Variants in CARHSP1 observed in about 807,000 individuals in gnomAD.
CARHSP1 encodes calcium regulated heat stable protein 1, also known as calcium-regulated heat-stable protein 1.
CARHSP1 carries 14 observed loss-of-function variants against 12.5 expected under a neutral mutation model. That is an observed-to-expected ratio of 1.12 (90% CI 0.74 to 1.75). CARHSP1 has a LOEUF of 1.75. Among genes scored for constraint, CARHSP1 ranks in the 40% most tolerant of loss-of-function variants. CARHSP1 has a pLI of 0.00. For synonymous variants in CARHSP1, 161 were observed against 82.0 expected (o/e 1.96, Z -5.20); for missense variants, 343 against 201.6 (o/e 1.70, Z -4.25).
At chr16:8,856,644 G>A (rs935981630) in intron 3 of CARHSP1, among the ~76,000 whole-genome samples, 2 of 152,036 alleles carry the variant, frequency 1.3e-5, no homozygotes, top group South Asian at 2.1e-4. Flanking sequence ...CAAAGGAGGG[G>A]TAACTCCCCC....
intron 1 of CARHSP1, among the ~76,000 whole-genome samples, chr16:8,865,543 G>C (rs900824029): frequency 6.6e-6 from 1 of 152,230 alleles, no homozygotes; most frequent in Non-Finnish European, 1.5e-5. Context: ...TGCAAAATGA[G>C]GGTGTCTTGA....
At chr16:8,864,302 GCCTCA>G (rs2061420602) in intron 1 of CARHSP1, among the ~76,000 whole-genome samples, 1 of 151,176 alleles carries the variant, frequency 6.6e-6, no homozygotes, top group South Asian at 2.1e-4. Flanking sequence ...GGAGCGGGGA[GCCTCA>G]CCTCACCGCA....
intron 2 of CARHSP1, chr16:8,858,711 G>A: frequency 3.7e-6 from 2 of 533,774 alleles, no homozygotes; most frequent in Admixed American, 7.1e-5. Flanking sequence ...CTCCTGGAAA[G>A]AGGGAGTTGA....
chr16:8,860,638 G>T, intron 1 of CARHSP1: 1 of 242,052 alleles, frequency 4.1e-6, no homozygotes, highest in Non-Finnish European at 5.8e-6. Context: ...ATGGGGGTAC[G>T]AGATGAAGTA....
chr16:8,861,817 C>T (rs925825950), intron 1 of CARHSP1: 19 of 1,198,892 alleles, frequency 1.6e-5, no homozygotes, highest in African/African-American at 3.2e-5. Flanking sequence ...GAATGTTCAA[C>T]GCCCAGAGTT....
Position 8,854,993 on chromosome 16 carries a change from A to ACCCCACC in CARHSP1, c.*170_*171insGGTGGGG. The ACCCCACC allele has an allele frequency of 2.0e-6, 1 of 493,728 alleles. No individual in the cohort carries two copies. The highest frequency in any genetic ancestry group is 3.5e-6 in the Non-Finnish European group (1 of 283,518). 30.6% of individuals were successfully genotyped at this position (493,728 alleles called of 1,614,324 possible). ...ATAGGCTGTGCTGATGGCCGGGAAC[A>ACCCCACC]CCCCACACCCCACACCTGCCCCCCA... is the stretch of plus-strand genomic sequence containing the variant. On this transcript the variant is annotated 3_prime_UTR_variant, in exon 4 of 4. Coordinates refer to ENST00000311052, the MANE Select transcript of CARHSP1 (RefSeq NM_014316.4).
At position 8,854,000 on chromosome 16, in the gene CARHSP1, C is replaced by G. The variant is rs2061018563; in HGVS notation, c.*1164G>C. 6.6e-6 allele frequency: 1 copy of G among 152,124 alleles called. No individual in the cohort carries two copies. Among genetic ancestry groups the G allele is most frequent in the Non-Finnish European group, 1.5e-5 (1 of 68,054 alleles). The allele number at this position is 152,124 out of a possible 1,614,324, so 9.4% of individuals were successfully genotyped here. A position where few individuals can be genotyped will look rare whatever the true frequency, so the allele number is the denominator to read the frequency against. ...ACTCAGGAGACTGAGGCGGAATTGC[C>G]AGAACCCTGGAGGGCAGAGGTTGCA... On this transcript the variant is annotated 3_prime_UTR_variant, in exon 4 of 4. Coordinates refer to ENST00000311052, the MANE Select transcript of CARHSP1 (RefSeq NM_014316.4).
chr16:8,860,611 C>A (rs1162319907), intron 1 of CARHSP1: 11 of 616,244 alleles, frequency 1.8e-5, no homozygotes, highest in Non-Finnish European at 2.2e-5. Context: ...TCACTTGGCA[C>A]CTGCGCAGGG....
At chr16:8,857,263 G>GTT (rs756390920) in intron 3 of CARHSP1, among the ~76,000 whole-genome samples, 5 of 57,006 alleles carry the variant, frequency 8.8e-5, no homozygotes, top group African/African-American at 2.2e-4. Context: ...GGGCAGATCT[G>GTT]TTTTTTTTTT....
chr16:8,865,875 C>T (rs999142799), intron 1 of CARHSP1, among the ~76,000 whole-genome samples: 2 of 152,196 alleles, frequency 1.3e-5, no homozygotes, highest in African/African-American at 4.8e-5. Context: ...TACTTTAATG[C>T]AGTCAGGAAT....
At chr16:8,862,613 C>G (rs1402790784) in intron 1 of CARHSP1, among the ~76,000 whole-genome samples, 1 of 152,120 alleles carries the variant, frequency 6.6e-6, no homozygotes, top group Non-Finnish European at 1.5e-5. Flanking sequence ...CCTGCAGGAC[C>G]CTGAACAGCA....
At chr16:8,855,570 C>A (rs547401926) in intron 3 of CARHSP1, among the ~76,000 whole-genome samples, 1 of 152,320 alleles carries the variant, frequency 6.6e-6, no homozygotes, top group African/African-American at 2.4e-5. Context: ...GATGCTGGAA[C>A]TGAAAGAGTT....
chr16:8,859,163 A>C lies in CARHSP1; in HGVS notation c.158+8T>G, dbSNP rs749243022. 2.5e-6 allele frequency: 4 copies of C among 1,594,208 alleles called. No individual in the cohort carries two copies. Among genetic ancestry groups the C allele is most frequent in the Non-Finnish European group, 3.4e-6 (4 of 1,168,156 alleles). ...TGAGAACGCGTCCCCAGCCTGCTCC[A>C]GACTCACGCCGAGAAGGTCCTCGTC... On this transcript the variant is annotated splice_region_variant and intron_variant, in intron 2 of 3. Transcript: ENST00000311052.
chr16:8,859,337 T>G lies in CARHSP1; in HGVS notation c.-7-2A>C. The G allele has an allele frequency of 6.3e-7, 1 of 1,597,416 alleles. No individual in the cohort carries two copies. The highest frequency in any genetic ancestry group is 8.5e-7 in the Non-Finnish European group (1 of 1,177,802). On this transcript the variant is annotated splice_acceptor_variant, in intron 1 of 3. Transcript: ENST00000311052. LOFTEE classifies it low-confidence loss of function (5UTR_SPLICE). ...GGAGGCTCAGATGACATGGCTGACC[T>G]GGAAAGAGAAGAGGCTGTCAGGGGC...
chr16:8,855,168 G>C lies in CARHSP1; in HGVS notation c.440C>G (p.Ser147Cys), dbSNP rs772968664. ...AAGGGGTGCTTCCACCATCTCCTAG[G>C]AGCTGATGACATGTCCAGACCAGGT... ...HETWSGHVIS[S>C] is the part of the protein sequence containing the mutation. Residue 147 changes from serine to cysteine, a missense_variant, in exon 4 of 4, where the codon TCC (serine) becomes TGC (cysteine). Physicochemically the swap from Ser to Cys is moderately radical, Grantham distance 112. Coordinates refer to ENST00000311052, the MANE Select transcript of CARHSP1 (RefSeq NM_014316.4). 8 of 1,594,276 alleles carry C rather than the reference G, an allele frequency of 5.0e-6. No homozygotes were observed. In the Admixed American group the frequency reaches 1.0e-4, roughly 20 times the overall value.
At chr16:8,858,907 G>T in intron 2 of CARHSP1, 1 of 445,202 alleles carries the variant, frequency 2.2e-6, no homozygotes, top group South Asian at 4.5e-5. Context: ...ACTCTCATGT[G>T]TGGTTAAAGC....
At chr16:8,859,898 A>ACCTGGGAGGCGGAGGTT (rs1398092393) in intron 1 of CARHSP1, 1 of 152,696 alleles carries the variant, frequency 6.5e-6, no homozygotes, top group Admixed American at 6.6e-5. Context: ...AATTGCTTGA[A>ACCTGGGAGGCGGAGGTT]CCTGGGAGGC....
In CARHSP1 at chr16:8,853,514, C is replaced by A. The variant is rs1346084923; in HGVS notation, c.*1650G>T. On this transcript the variant is annotated 3_prime_UTR_variant, in exon 4 of 4. Coordinates refer to ENST00000311052, the MANE Select transcript of CARHSP1 (RefSeq NM_014316.4). ...TTTGCTATTCTCAAACAACTCCCTT[C>A]CACCCCCTTAGGCTGAAAGGACAAA... 2.6e-5 allele frequency: 4 copies of A among 152,188 alleles called. No homozygotes were observed. The highest frequency in any genetic ancestry group is 5.9e-5 in the Non-Finnish European group (4 of 68,056). 9.4% of individuals were successfully genotyped at this position (152,188 alleles called of 1,614,324 possible).
chr16:8,858,421 G>T lies in CARHSP1; in HGVS notation c.210C>A (p.Phe70Leu). Residue 70 changes from phenylalanine (F) to leucine (L), a missense_variant, in exon 3 of 4, where the codon TTC becomes TTA. Transcript: ENST00000311052. ...TGAAGCCATGGCCCTTGGACCGGCA[G>T]AAGCATTTGCAGACTCCTTTGTAGA... ...GPVYKGVCKC[F>L]CRSKGHGFIT... 1.9e-6 allele frequency: 3 copies of T among 1,614,088 alleles called. No homozygotes were observed. The highest frequency in any genetic ancestry group is 1.7e-6 in the Non-Finnish European group (2 of 1,180,020).
Sources: allele counts gnomAD v4.1 joint callset (sites outside exome capture counted in the v4.1 genomes callset), GRCh38; gene constraint gnomAD v4.1.1; transcripts MANE v1.5; gene names NCBI Gene and HGNC (gene_info 2026-07-23, HGNC 2026-07-21).